The following PPARGC1A variants were observed in gnomAD, a reference collection of about 807,000 sequenced individuals.
The protein encoded by PPARGC1A is PPARG coactivator 1 alpha.
PPARGC1A carries 25 observed loss-of-function variants against 88.7 expected under a neutral mutation model. The ratio of observed to expected loss-of-function variants is 0.28; its 90% CI spans 0.21 to 0.39. PPARGC1A has a LOEUF of 0.39. Ranked by LOEUF, PPARGC1A falls within the 10% of genes least tolerant of loss-of-function variation. The pLI is 1.00. For missense variants in PPARGC1A, 880 were observed against 968.7 expected, an observed-to-expected ratio of 0.91 and a Z score of 1.22; for synonymous variants, 363 against 355.6, an observed-to-expected ratio of 1.02 and a Z score of -0.24.
the PPARGC1A span, among the ~76,000 whole-genome samples, chr4:23,970,739 A>G: frequency 1.3e-5 from 2 of 152,036 alleles, no homozygotes; most frequent in Non-Finnish European, 2.9e-5. Flanking sequence ...ACTAACTCAC[A>G]CCCTTTCTTC....
At chr4:23,906,940 A>G (rs1013784665), upstream of PPARGC1A, among the ~76,000 whole-genome samples, 4 of 152,144 alleles carry the variant, frequency 2.6e-5, no homozygotes, top group African/African-American at 9.7e-5. Context: ...TATTTCCAAA[A>G]CTGTAGGCTT....
chr4:24,391,154 T>C, the PPARGC1A span, among the ~76,000 whole-genome samples: 2 of 152,282 alleles, frequency 1.3e-5, no homozygotes, highest in Non-Finnish European at 2.9e-5. Flanking sequence ...ATATTGTCCA[T>C]AATATTGTAT....
chr4:24,325,705 C>G, the PPARGC1A span, among the ~76,000 whole-genome samples: 4 of 152,196 alleles, frequency 2.6e-5, no homozygotes, highest in Admixed American at 6.5e-5. Context: ...TCGGAAGCCC[C>G]GTAGACCACC....
At chr4:23,996,534 T>G in the PPARGC1A span, among the ~76,000 whole-genome samples, 87 of 151,926 alleles carry the variant, frequency 5.7e-4, 2 homozygotes, top group East Asian at 0.013. Flanking sequence ...GGCTGGGGAG[T>G]AGGCTTTGAG....
At chr4:24,230,474 C>T in the PPARGC1A span, among the ~76,000 whole-genome samples, 4 of 152,164 alleles carry the variant, frequency 2.6e-5, no homozygotes, top group Non-Finnish European at 5.9e-5. Context: ...GGTTGACTCA[C>T]CTAAACTTTT....
At chr4:23,938,685 C>A in the PPARGC1A span, among the ~76,000 whole-genome samples, 1 of 152,132 alleles carries the variant, frequency 6.6e-6, no homozygotes. Context: ...ACCATAGTCC[C>A]TTTCATTAGG....
the PPARGC1A span, among the ~76,000 whole-genome samples, chr4:24,133,180 TC>T: frequency 6.6e-5 from 10 of 152,128 alleles, no homozygotes; most frequent in African/African-American, 1.4e-4. Flanking sequence ...TCTGGTGGTT[TC>T]CCCCCTGGGG....
At chr4:23,936,330 A>T in the PPARGC1A span, among the ~76,000 whole-genome samples, 1 of 152,244 alleles carries the variant, frequency 6.6e-6, no homozygotes, top group Admixed American at 6.5e-5. Context: ...ATAGCTACTA[A>T]GTGAAAGACC....
At chr4:24,340,610 T>C in the PPARGC1A span, among the ~76,000 whole-genome samples, 1 of 152,212 alleles carries the variant, frequency 6.6e-6, no homozygotes, top group Non-Finnish European at 1.5e-5. Context: ...CGTAGGTGAC[T>C]AAATTAATAT....
chr4:23,933,126 C>T, the PPARGC1A span, among the ~76,000 whole-genome samples: 2 of 152,178 alleles, frequency 1.3e-5, no homozygotes, highest in Non-Finnish European at 2.9e-5. Context: ...TCTGAAAGCT[C>T]TGTGAATTTT....
chr4:24,348,267 C>T, the PPARGC1A span, among the ~76,000 whole-genome samples: 4 of 152,162 alleles, frequency 2.6e-5, no homozygotes, highest in Admixed American at 6.5e-5. Context: ...TTTGTATAAC[C>T]GGATCACAAT....
the PPARGC1A span, among the ~76,000 whole-genome samples, chr4:24,067,487 G>A: frequency 4.6e-4 from 70 of 152,264 alleles, no homozygotes; most frequent in African/African-American, 1.1e-3. Flanking sequence ...ATCATTCCGC[G>A]TATGCTCAAA....
chr4:23,968,781 G>T, the PPARGC1A span, among the ~76,000 whole-genome samples: 1 of 151,984 alleles, frequency 6.6e-6, no homozygotes, highest in African/African-American at 2.4e-5. Context: ...TGGGTGTGGT[G>T]GTGGGTGCCC....
chr4:24,104,420 G>A, the PPARGC1A span, among the ~76,000 whole-genome samples: 1 of 152,126 alleles, frequency 6.6e-6, no homozygotes, highest in Non-Finnish European at 1.5e-5. Flanking sequence ...CACTCCCAAG[G>A]TCCCTGTCAG....
chr4:23,952,888 CA>C, the PPARGC1A span, among the ~76,000 whole-genome samples: 3 of 152,032 alleles, frequency 2.0e-5, no homozygotes, highest in Non-Finnish European at 2.9e-5. Flanking sequence ...AAAGTCTACT[CA>C]TTTAAACAAT....
intron 2 of PPARGC1A, among the ~76,000 whole-genome samples, chr4:23,836,093 ATTGT>A (rs1336334971): frequency 2.0e-5 from 3 of 152,210 alleles, no homozygotes; most frequent in Admixed American, 6.5e-5. Flanking sequence ...CTGCTTTCTA[ATTGT>A]TTGAAAATAC....
the PPARGC1A span, among the ~76,000 whole-genome samples, chr4:23,981,435 T>C: frequency 2.0e-5 from 3 of 152,104 alleles, no homozygotes; most frequent in Non-Finnish European, 4.4e-5. Flanking sequence ...AAGGATACAA[T>C]TGCCATAGAG....
At chr4:24,446,063 C>A in the PPARGC1A span, among the ~76,000 whole-genome samples, 2 of 151,956 alleles carry the variant, frequency 1.3e-5, no homozygotes, top group African/African-American at 2.4e-5. Flanking sequence ...AAGACTCTGT[C>A]TCAAAAAAAT....
At chr4:24,219,272 C>T in the PPARGC1A span, among the ~76,000 whole-genome samples, 732 of 152,352 alleles carry the variant, frequency 4.8e-3, 28 homozygotes, top group East Asian at 0.094. Flanking sequence ...CCTGGGCCAG[C>T]AGCGTGCTTT....
Sources: allele counts gnomAD v4.1 joint callset (sites outside exome capture counted in the v4.1 genomes callset), GRCh38; gene constraint gnomAD v4.1.1; transcripts MANE v1.5; gene names NCBI Gene and HGNC (gene_info 2026-07-23, HGNC 2026-07-21).